The following IQCM variants were observed in gnomAD, a reference collection of about 807,000 sequenced individuals.
The protein encoded by IQCM is IQ motif containing M, also known as IQ domain-containing protein M.
Under a neutral mutation model 57.6 loss-of-function variants are expected in IQCM, and 45 were observed. That is an observed-to-expected ratio of 0.78 (90% CI 0.62 to 1.00). The LOEUF (loss-of-function observed/expected upper bound fraction) is 1.00. Among genes scored for constraint, IQCM ranks in the 50% least tolerant of loss-of-function variants. IQCM has a pLI of 0.00. For missense variants in IQCM, 468 were observed against 511.6 expected (o/e 0.91, Z 0.82); for synonymous variants, 148 against 158.9 (o/e 0.93, Z 0.51).
intron 13 of IQCM, among the ~76,000 whole-genome samples, chr4:149,357,515 G>A (rs1729093764): frequency 6.6e-6 from 1 of 152,142 alleles, no homozygotes; most frequent in South Asian, 2.1e-4. Context: ...TGCGGTTTTT[G>A]TCTTTGGTTC....
At chr4:149,474,283 G>C (rs1249927152) in intron 12 of IQCM, among the ~76,000 whole-genome samples, 2 of 152,026 alleles carry the variant, frequency 1.3e-5, no homozygotes, top group Non-Finnish European at 2.9e-5. Flanking sequence ...AGACATAACT[G>C]GTTGAGCACA....
intron 7 of IQCM, among the ~76,000 whole-genome samples, chr4:149,670,836 C>A (rs1007225817): frequency 3.3e-5 from 5 of 152,172 alleles, no homozygotes; most frequent in Admixed American, 3.3e-4. Flanking sequence ...CCAATTCTAT[C>A]ATGGTGGATA....
chr4:149,364,497 T>C (rs568379042), intron 13 of IQCM, among the ~76,000 whole-genome samples: 1 of 152,088 alleles, frequency 6.6e-6, no homozygotes, highest in South Asian at 2.1e-4. Context: ...ATAGCAGATA[T>C]TAAGAATGAA....
chr4:149,354,566 C>T lies in IQCM; in HGVS notation c.1391-2500G>A, dbSNP rs546800416. Among the ~76,000 whole-genome samples, 272 of 151,770 alleles carry T rather than the reference C, an allele frequency of 1.8e-3. 2 individuals carry two copies. The highest frequency in any genetic ancestry group is 0.01 in the Middle Eastern group (3 of 294). On this transcript the variant is annotated intron_variant, in intron 13 of 13. Transcript: ENST00000636793. ...TGAGATCTCAGGATTAAGTGCTTTC[C>T]TATTATGAATTTCTTTGATAATACC...
chr4:149,355,008 G>A (rs1728858916), intron 13 of IQCM, among the ~76,000 whole-genome samples: 1 of 151,984 alleles, frequency 6.6e-6, no homozygotes, highest in African/African-American at 2.4e-5. Context: ...TGATAATACT[G>A]AAAGCTTATT....
intron 13 of IQCM, among the ~76,000 whole-genome samples, chr4:149,390,710 A>G (rs1035174453): frequency 5.9e-5 from 9 of 151,894 alleles, no homozygotes; most frequent in Admixed American, 5.9e-4. Context: ...AATATTGTAT[A>G]ACGCATTAAT....
At chr4:149,394,236 T>G (rs1417384321) in intron 13 of IQCM, among the ~76,000 whole-genome samples, 1 of 152,018 alleles carries the variant, frequency 6.6e-6, no homozygotes, top group African/African-American at 2.4e-5. Context: ...GCTCATATCT[T>G]AAATGTCTGA....
chr4:149,378,792 G>A (rs528716932), intron 13 of IQCM, among the ~76,000 whole-genome samples: 4 of 152,280 alleles, frequency 2.6e-5, no homozygotes, highest in Non-Finnish European at 5.9e-5. Context: ...GTAACAAGGA[G>A]CCAAATGTTA....
chr4:149,382,246 G>T (rs1328912262), intron 13 of IQCM, among the ~76,000 whole-genome samples: 1 of 152,204 alleles, frequency 6.6e-6, no homozygotes, highest in African/African-American at 2.4e-5. Flanking sequence ...AAGTGAATAA[G>T]TGAATTCATA....
chr4:149,441,859 G>A (rs1735972540), intron 12 of IQCM, among the ~76,000 whole-genome samples: 1 of 152,088 alleles, frequency 6.6e-6, no homozygotes, highest in Admixed American at 6.6e-5. Flanking sequence ...ACTTTTGGAA[G>A]GTGATTGGGC....
At chr4:149,709,951 G>C (rs1156638630) in intron 5 of IQCM, among the ~76,000 whole-genome samples, 1 of 152,070 alleles carries the variant, frequency 6.6e-6, no homozygotes, top group African/African-American at 2.4e-5. Flanking sequence ...AAAGCTTGCA[G>C]GCCAACCAAA....
chr4:149,659,139 C>T (rs1173142170), intron 7 of IQCM, among the ~76,000 whole-genome samples: 1 of 149,840 alleles, frequency 6.7e-6, no homozygotes, highest in Non-Finnish European at 1.5e-5. Flanking sequence ...AAACCAGCTC[C>T]TGGATTCATT....
chr4:149,724,497 G>A lies in IQCM; in HGVS notation c.385+8747C>T, dbSNP rs374447337. ...CTCTCTCTCTCTGACACACATACAC[G>A]TACACTCATACAAATATGTAGAGAC... On this transcript the variant is annotated intron_variant, in intron 5 of 13. Coordinates refer to ENST00000636793, the MANE Select transcript of IQCM (RefSeq NM_001363507.2). Among the ~76,000 whole-genome samples the A allele has an allele frequency of 2.1e-4, 32 of 151,662 alleles. No homozygotes were observed. The East Asian group carries it at 4.5e-3, about 21-fold the overall frequency.
chr4:149,634,404 C>T (rs938783462), intron 7 of IQCM, among the ~76,000 whole-genome samples: 5 of 152,166 alleles, frequency 3.3e-5, no homozygotes, highest in Non-Finnish European at 5.9e-5. Context: ...CATCCCATTG[C>T]CTTGTATTGT....
chr4:149,461,329 A>G (rs1738267317), intron 12 of IQCM, among the ~76,000 whole-genome samples: 1 of 152,132 alleles, frequency 6.6e-6, no homozygotes, highest in Admixed American at 6.5e-5. Context: ...GTAAGGTAAC[A>G]TCTAATGACC....
chr4:149,534,483 T>C (rs1320003710), intron 12 of IQCM, among the ~76,000 whole-genome samples: 2 of 152,140 alleles, frequency 1.3e-5, no homozygotes, highest in African/African-American at 4.8e-5. Context: ...AAGAAGTATA[T>C]GAAAATCATG....
intron 8 of IQCM, among the ~76,000 whole-genome samples, chr4:149,617,091 G>T (rs574870069): frequency 6.6e-6 from 1 of 151,794 alleles, no homozygotes; most frequent in African/African-American, 2.4e-5. Flanking sequence ...GAGTAGCTGG[G>T]ATTACAGGCA....
At chr4:149,582,657 T>A (rs927058981) in intron 9 of IQCM, among the ~76,000 whole-genome samples, 1 of 151,482 alleles carries the variant, frequency 6.6e-6, no homozygotes, top group Non-Finnish European at 1.5e-5. Context: ...TTTCCTCAAA[T>A]TCTCAAAGTC....
At chr4:149,483,043 A>G (rs1344556579) in intron 12 of IQCM, among the ~76,000 whole-genome samples, 1 of 151,762 alleles carries the variant, frequency 6.6e-6, no homozygotes, top group East Asian at 1.9e-4. Context: ...AAATTTTCCA[A>G]TTCATTGGCA....
Sources: allele counts gnomAD v4.1 joint callset (sites outside exome capture counted in the v4.1 genomes callset), GRCh38; gene constraint gnomAD v4.1.1; transcripts MANE v1.5; gene names NCBI Gene and HGNC (gene_info 2026-07-23, HGNC 2026-07-21).